The following TRIQK variants were observed in gnomAD, a reference collection of about 807,000 sequenced individuals.
The protein encoded by TRIQK is triple QxxK/R motif containing.
In TRIQK, 10 loss-of-function variants were observed where a neutral mutation model predicts 10.8. The ratio of observed to expected loss-of-function variants is 0.92; its 90% CI spans 0.57 to 1.57. TRIQK has a LOEUF of 1.57. Ranked by LOEUF, TRIQK falls within the 40% of genes most tolerant of loss-of-function variation. The pLI is 0.00. For missense variants in TRIQK, 107 were observed against 97.7 expected, an observed-to-expected ratio of 1.09 and a Z score of -0.40; for synonymous variants, 33 against 33.7, an observed-to-expected ratio of 0.98 and a Z score of 0.07.
intron 3 of TRIQK, among the ~76,000 whole-genome samples, chr8:92,894,341 G>C (rs1204161389): frequency 6.6e-6 from 1 of 151,798 alleles, no homozygotes; most frequent in Admixed American, 6.6e-5. Context: ...ACCCAAAGAG[G>C]TTTTCAACAT....
intron 1 of TRIQK, among the ~76,000 whole-genome samples, chr8:92,995,629 A>G (rs1813145784): frequency 1.3e-5 from 2 of 151,966 alleles, no homozygotes; most frequent in Admixed American, 1.3e-4. Flanking sequence ...CACAACAGTG[A>G]TCATCTTCCC....
At chr8:92,914,620 T>C (rs1809734310) in intron 3 of TRIQK, among the ~76,000 whole-genome samples, 1 of 151,922 alleles carries the variant, frequency 6.6e-6, no homozygotes, top group African/African-American at 2.4e-5. Flanking sequence ...ATGGAGAAAA[T>C]GACAAACAGG....
intron 1 of TRIQK, among the ~76,000 whole-genome samples, chr8:92,997,854 T>G (rs1813168148): frequency 6.6e-6 from 1 of 152,068 alleles, no homozygotes; most frequent in African/African-American, 2.4e-5. Context: ...ATTTGAATTT[T>G]AATTTTAAGC....
intron 1 of TRIQK, among the ~76,000 whole-genome samples, chr8:93,005,078 T>G (rs1430978850): frequency 6.6e-6 from 1 of 152,180 alleles, no homozygotes; most frequent in East Asian, 1.9e-4. Context: ...CTGAATTCTC[T>G]GATGCCAATT....
At chr8:92,974,992 C>T (rs1396719000) in intron 1 of TRIQK, among the ~76,000 whole-genome samples, 1 of 152,182 alleles carries the variant, frequency 6.6e-6, no homozygotes, top group Non-Finnish European at 1.5e-5. Context: ...TTCAGGGTTC[C>T]ATTCTCCTCT....
chr8:92,906,810 G>A (rs760875549), intron 3 of TRIQK, among the ~76,000 whole-genome samples: 1 of 151,490 alleles, frequency 6.6e-6, no homozygotes, highest in African/African-American at 2.4e-5. Flanking sequence ...GGAGAATGGC[G>A]TGAACCTGGG....
chr8:93,013,816 A>G lies in TRIQK; in HGVS notation c.-181+3793T>C, dbSNP rs577031244. Among the ~76,000 whole-genome samples, 3 of 152,282 alleles carry G rather than the reference A, an allele frequency of 2.0e-5. No homozygotes were observed. The South Asian group carries it at 6.2e-4, about 32-fold the overall frequency. ...AGCCCAATTCTAATAAACAACCCAC[A>G]ATAAGTCAGTATGTGCCCATATAGA... is the stretch of plus-strand genomic sequence containing the variant. On this transcript the variant is annotated intron_variant, in intron 1 of 4. Coordinates refer to the TRIQK transcript ENST00000520686.
intron 1 of TRIQK, among the ~76,000 whole-genome samples, chr8:93,012,379 A>G (rs1813343658): frequency 6.6e-6 from 1 of 152,188 alleles, no homozygotes; most frequent in Non-Finnish European, 1.5e-5. Context: ...CCATATGCCA[A>G]AATCTCATGA....
chr8:92,916,453 C>A (rs542858302), intron 3 of TRIQK, among the ~76,000 whole-genome samples: 141 of 152,148 alleles, frequency 9.3e-4, no homozygotes, highest in African/African-American at 3.1e-3. Context: ...TCACATATGA[C>A]CTCTGGAGAA....
At chr8:92,944,186 C>G (rs1029664027) in intron 2 of TRIQK, among the ~76,000 whole-genome samples, 3 of 148,390 alleles carry the variant, frequency 2.0e-5, no homozygotes, top group Non-Finnish European at 4.5e-5. Context: ...TGGCAATTAT[C>G]AAAAAGATAA....
intron 2 of TRIQK, among the ~76,000 whole-genome samples, chr8:92,944,147 A>G (rs1586470578): frequency 6.6e-6 from 1 of 152,190 alleles, no homozygotes; most frequent in Middle Eastern, 3.4e-3. Flanking sequence ...AAATCAAAAC[A>G]ACAAGACAGC....
At chr8:92,893,856 TG>T (rs1026626612) in intron 3 of TRIQK, among the ~76,000 whole-genome samples, 1 of 116,902 alleles carries the variant, frequency 8.6e-6, no homozygotes, top group African/African-American at 3.2e-5. Context: ...TGGCGGGGGG[TG>T]GGGGGTGAGC....
At chr8:93,002,215 G>GA (rs1813217804) in intron 1 of TRIQK, among the ~76,000 whole-genome samples, 1 of 151,748 alleles carries the variant, frequency 6.6e-6, no homozygotes, top group Admixed American at 6.6e-5. Context: ...CAAGGAATTA[G>GA]AAAAATAAGT....
intron 2 of TRIQK, among the ~76,000 whole-genome samples, chr8:92,949,861 AAAGG>A (rs1811802527): frequency 2.0e-5 from 3 of 148,262 alleles, no homozygotes; most frequent in Non-Finnish European, 3.0e-5. Flanking sequence ...AAGAAAAGAG[AAAGG>A]AAGGGAGGGA....
At chr8:92,940,143 T>G (rs1345323053) in intron 2 of TRIQK, among the ~76,000 whole-genome samples, 1 of 151,916 alleles carries the variant, frequency 6.6e-6, no homozygotes, top group Non-Finnish European at 1.5e-5. Flanking sequence ...CTCTTCAGGG[T>G]CATCACCAGC....
At chr8:92,995,169 G>C (rs971068440) in intron 1 of TRIQK, among the ~76,000 whole-genome samples, 4 of 151,720 alleles carry the variant, frequency 2.6e-5, no homozygotes, top group African/African-American at 7.3e-5. Flanking sequence ...TTTATGTCTT[G>C]ATCTGAGAAT....
chr8:92,924,555 C>T (rs1397728298), intron 2 of TRIQK, among the ~76,000 whole-genome samples: 2 of 151,894 alleles, frequency 1.3e-5, no homozygotes, highest in Non-Finnish European at 2.9e-5. Context: ...CAAGAGTCAT[C>T]TCTGAGTAAT....
intron 1 of TRIQK, chr8:92,972,996 G>C (rs1372490594): frequency 6.6e-6 from 1 of 152,188 alleles, no homozygotes; most frequent in Admixed American, 6.5e-5. Flanking sequence ...TATTTCTTGT[G>C]ATCTCACTTG....
At chr8:92,967,891 T>C (rs1301745888), upstream of TRIQK, among the ~76,000 whole-genome samples, 2 of 150,858 alleles carry the variant, frequency 1.3e-5, no homozygotes, top group Non-Finnish European at 3.0e-5. Flanking sequence ...TTAATAAATA[T>C]ATAAATAAAT....
Sources: allele counts gnomAD v4.1 joint callset (sites outside exome capture counted in the v4.1 genomes callset), GRCh38; gene constraint gnomAD v4.1.1; transcripts MANE v1.5; gene names NCBI Gene and HGNC (gene_info 2026-07-23, HGNC 2026-07-21).